Variants in MMP20 observed in about 807,000 individuals in gnomAD.
The protein encoded by MMP20 is matrix metalloproteinase-20.
A neutral mutation model predicts 51.8 loss-of-function variants in MMP20; 50 were observed. The ratio of observed to expected loss-of-function variants is 0.97; its 90% confidence interval spans 0.77 to 1.22. MMP20 has a LOEUF of 1.22. Ranked by LOEUF, MMP20 falls within the 50% of genes most tolerant of loss-of-function variation. MMP20 has a pLI of 0.00. For missense variants in MMP20, 663 were observed against 601.4 expected (o/e 1.10, Z -1.07); for synonymous variants, 244 against 216.2 (o/e 1.13, Z -1.13).
intron 8 of MMP20, among the ~76,000 whole-genome samples, chr11:102,588,436 T>G (rs1859278469): frequency 6.6e-6 from 1 of 152,188 alleles, no homozygotes; most frequent in South Asian, 2.1e-4. Context: ...GGTTCTGTTC[T>G]TTTGTTCCTG....
At chr11:102,586,124 A>G (rs1859251907) in intron 8 of MMP20, among the ~76,000 whole-genome samples, 1 of 152,128 alleles carries the variant, frequency 6.6e-6, no homozygotes, top group Non-Finnish European at 1.5e-5. Flanking sequence ...TGAGTTAGGT[A>G]GTGTTTTCCA....
At chr11:102,593,285 A>G (rs948504986) in intron 8 of MMP20, among the ~76,000 whole-genome samples, 154 bp downstream of exon 8, 4 of 152,226 alleles carry the variant, frequency 2.6e-5, no homozygotes, top group Non-Finnish European at 4.4e-5. Flanking sequence ...TATCTTGAAG[A>G]CAGTCAACCA....
intron 1 of MMP20, among the ~76,000 whole-genome samples, chr11:102,621,266 G>A (rs1200716119): frequency 4.6e-5 from 7 of 152,190 alleles, no homozygotes; most frequent in Non-Finnish European, 7.3e-5. Context: ...GGAAATGTAC[G>A]CCTGCACCCT....
At chr11:102,612,215 A>G (rs1326054889) in intron 2 of MMP20, among the ~76,000 whole-genome samples, 1 of 152,356 alleles carries the variant, frequency 6.6e-6, no homozygotes, top group Non-Finnish European at 1.5e-5. Flanking sequence ...CTGTAATCCC[A>G]GCACTTTGGA....
At position 102,578,317 on chromosome 11, in the gene MMP20, T is replaced by C. The variant is rs546192177; in HGVS notation, c.1351+722A>G. Among the ~76,000 whole-genome samples the C allele has an allele frequency of 1.1e-4, 16 of 147,878 alleles. 1 individual carries two copies. Among genetic ancestry groups the C allele is most frequent in the Admixed American group, 2.7e-4 (4 of 14,662 alleles). On this transcript the variant is annotated intron_variant, in intron 9 of 9. Transcript: ENST00000260228. ...TGCCATCATTCTCAGCTAACTTTTT[T>C]GTAGAGACAGAGTTTTGCCATATTG...
intron 8 of MMP20, among the ~76,000 whole-genome samples, chr11:102,591,735 G>T (rs1308159269): frequency 6.6e-6 from 1 of 152,142 alleles, no homozygotes; most frequent in Non-Finnish European, 1.5e-5. Flanking sequence ...AGTTGGAAAG[G>T]TACAGTACGA....
At chr11:102,607,208 G>C (rs1041619320) in intron 5 of MMP20, 1 of 165,028 alleles carries the variant, frequency 6.1e-6, no homozygotes, top group Non-Finnish European at 1.3e-5. Flanking sequence ...TAGGCATCCA[G>C]GAAAAACTGA....
Position 102,593,441 on chromosome 11 carries a change from G to A in MMP20, c.1245C>T (p.Tyr415=), listed in dbSNP as rs1172056322. 2 of 1,613,738 alleles carry A rather than the reference G, an allele frequency of 1.2e-6. No individual in the cohort carries two copies. Among genetic ancestry groups the A allele is most frequent in the Non-Finnish European group, 1.7e-6 (2 of 1,179,658 alleles). The part of the protein sequence containing the change: ...KTLFFVGDEY[Y]SYDERKRKME... ...AGTAAAAAGGAAAAAAGCCATACCT[G>A]TAGTATTCATCTCCCACAAAGAAAA... is the stretch of plus-strand genomic sequence containing the variant. The change falls in exon 8 of 10, where the codon TAC becomes TAT. Residue 415 remains tyrosine (Y), a splice_region_variant and synonymous_variant. Transcript: ENST00000260228.
At chr11:102,617,921 G>T (rs796770140) in intron 1 of MMP20, among the ~76,000 whole-genome samples, 1 of 152,134 alleles carries the variant, frequency 6.6e-6, no homozygotes, top group Non-Finnish European at 1.5e-5. Context: ...GCAGCTAAGG[G>T]TTCAGTCCTC....
At chr11:102,619,203 C>T (rs1343724295) in intron 1 of MMP20, among the ~76,000 whole-genome samples, 1 of 151,962 alleles carries the variant, frequency 6.6e-6, no homozygotes, top group Non-Finnish European at 1.5e-5. Context: ...TGTGATAATG[C>T]AATGCTTGTG....
intron 6 of MMP20, chr11:102,605,200 GC>G (rs1859499378): frequency 6.6e-6 from 1 of 152,140 alleles, no homozygotes; most frequent in African/African-American, 2.4e-5. Context: ...CAGCAAGATG[GC>G]GGCTGCCTAC....
Position 102,616,877 on chromosome 11 carries a change from A to G in MMP20, c.309T>C (p.Pro103=). The G allele has an allele frequency of 1.2e-6, 2 of 1,614,226 alleles. No individual in the cohort carries two copies. The highest frequency in any genetic ancestry group is 1.1e-5 in the South Asian group (1 of 91,088). The change falls in exon 2 of 10, where the codon CCT becomes CCC. Residue 103 remains proline, a synonymous_variant. Coordinates refer to ENST00000260228, the MANE Select transcript of MMP20 (RefSeq NM_004771.4). ...GGAAGAGGCGATAATTGGCCACATC[A>G]GGAACTCCACAGCGAGGCTTCTTGA... The part of the protein sequence containing the change: ...NVIKKPRCGV[P]DVANYRLFPG...
chr11:102,591,905 T>C (rs939446133), intron 8 of MMP20, among the ~76,000 whole-genome samples: 29 of 152,248 alleles, frequency 1.9e-4, no homozygotes, highest in South Asian at 4.1e-4. Flanking sequence ...CAGGTGCTGG[T>C]GGGTGGTAGA....
intron 3 of MMP20, among the ~76,000 whole-genome samples, chr11:102,610,490 G>A (rs1049474485): frequency 1.3e-5 from 2 of 152,184 alleles, no homozygotes; most frequent in Non-Finnish European, 2.9e-5. Flanking sequence ...TTGAACAAGT[G>A]TGTGCTTTCT....
intron 5 of MMP20, chr11:102,607,079 G>A: frequency 5.3e-6 from 1 of 187,442 alleles, no homozygotes. Flanking sequence ...TTTAAAAATT[G>A]GCATGGATTG....
intron 8 of MMP20, among the ~76,000 whole-genome samples, chr11:102,586,596 G>A (rs1304513339): frequency 3.3e-5 from 5 of 151,996 alleles, no homozygotes; most frequent in East Asian, 1.9e-4. Flanking sequence ...GGCGGATCAC[G>A]AGGTCAGGAG....
Position 102,616,815 on chromosome 11 carries a change from T to C in MMP20, c.371A>G (p.Tyr124Cys), listed in dbSNP as rs781074311. 1 of 1,614,220 alleles carries C rather than the reference T, an allele frequency of 6.2e-7. No individual in the cohort carries two copies. Among genetic ancestry groups the C allele is most frequent in the African/African-American group, 1.3e-5 (1 of 75,074 alleles). Residue 124 changes from tyrosine to cysteine, a missense_variant, in exon 2 of 10, where the codon TAC (tyrosine) becomes TGC (cysteine). Tyr to Cys is a radical substitution (Grantham distance 194). Coordinates refer to ENST00000260228, the MANE Select transcript of MMP20 (RefSeq NM_004771.4). The part of the protein sequence containing the change: ...EPKWKKNTLT[Y>C]RISKYTPSMS... ...TGGAAAGACTTGATCTCATTACCTG[T>C]ATGTCAAAGTATTTTTTTTCCATTT... is the stretch of plus-strand genomic sequence containing the variant.
chr11:102,616,676 G>A (rs1182469468), intron 2 of MMP20, 136 bp downstream of exon 2: 8 of 1,174,342 alleles, frequency 6.8e-6, no homozygotes, highest in Non-Finnish European at 8.5e-6. Flanking sequence ...ACGGATGGAT[G>A]TAAAAAGTTC....
intron 8 of MMP20, among the ~76,000 whole-genome samples, chr11:102,592,911 A>G (rs920958819): frequency 6.6e-6 from 1 of 152,250 alleles, no homozygotes; most frequent in African/African-American, 2.4e-5. Context: ...CCCTGAGGAC[A>G]GGAATTGAAA....
Sources: allele counts gnomAD v4.1 joint callset (sites outside exome capture counted in the v4.1 genomes callset), GRCh38; gene constraint gnomAD v4.1.1; transcripts MANE v1.5; gene names NCBI Gene and HGNC (gene_info 2026-07-23, HGNC 2026-07-21).